KRT12: variants seen among roughly 807,000 people sequenced by gnomAD.
The protein encoded by KRT12 is keratin 12, also known as keratin, type I cytoskeletal 12.
KRT12 carries 43 observed loss-of-function variants against 50.2 expected under a neutral mutation model. The observed-to-expected ratio is 0.86, with a 90% CI of 0.67 to 1.11. The LOEUF is 1.11. Among genes scored for constraint, KRT12 ranks in the 50% least tolerant of loss-of-function variants. The pLI, the probability that KRT12 is intolerant of heterozygous loss-of-function variation, is 0.00. For synonymous variants in KRT12, 257 were observed against 253.6 expected, an observed-to-expected ratio of 1.01 and a Z score of -0.13; for missense variants, 588 against 625.6, an observed-to-expected ratio of 0.94 and a Z score of 0.64.
intron 6 of KRT12, 122 bp from the exon 7 acceptor site, chr17:40,862,757 T>G: frequency 1.3e-6 from 1 of 788,430 alleles, no homozygotes; most frequent in Non-Finnish European, 2.3e-6. Flanking sequence ...TAGTGCAGAC[T>G]CTGATCACTT....
Position 40,864,902 on chromosome 17 carries a change from C to T in KRT12, c.711G>A (p.Arg237=). Residue 237 remains arginine (R), a synonymous_variant, in exon 3 of 8, where the codon CGG becomes CGA. Transcript: ENST00000251643. ...TGGTCAGGGTCAGCTCGTCCAGCAC[C>T]CGGCGCAGGCCATTGATGTCGGCCT... ...GVEADINGLR[R]VLDELTLTRT... is the part of the protein sequence containing the mutation. The T allele has an allele frequency of 6.2e-7, 1 of 1,614,266 alleles. No individual in the cohort carries two copies. The highest frequency in any genetic ancestry group is 8.5e-7 in the Non-Finnish European group (1 of 1,180,046).
chr17:40,866,313 A>T, intron 1 of KRT12, 76 bp from the exon 2 acceptor site: 1 of 1,176,674 alleles, frequency 8.5e-7, no homozygotes, highest in Non-Finnish European at 1.3e-6. Context: ...TTTGACACAA[A>T]GGTGAAAATG....
Position 40,866,201 on chromosome 17 carries a change from A to G in KRT12, c.604T>C (p.Leu202=). 6.2e-7 allele frequency: 1 copy of G among 1,614,184 alleles called. No homozygotes were observed. The highest frequency in any genetic ancestry group is 1.1e-5 in the South Asian group (1 of 91,090). ...SASIGNAQLL[L]QIDNARLAAE... is the part of the protein sequence containing the mutation. ...GCTAGTCTCGCATTGTCAATCTGCA[A>G]GAGGAGCTGGGCATTTCCAATGCTG... Residue 202 remains leucine (L), a synonymous_variant, in exon 2 of 8, where the codon TTG becomes CTG. Transcript: ENST00000251643.
rs756752770 is a variant in KRT12, at chr17:40,861,766, T to C, written c.1388-8A>G. The C allele has an allele frequency of 1.3e-6, 2 of 1,586,396 alleles. No individual in the cohort carries two copies. The highest frequency in any genetic ancestry group is 1.1e-5 in the South Asian group (1 of 90,460). On this transcript the variant is annotated splice_region_variant and splice_polypyrimidine_tract_variant and intron_variant, in intron 7 of 7. Coordinates refer to ENST00000251643, the MANE Select transcript of KRT12 (RefSeq NM_000223.4). The stretch of plus-strand genomic sequence containing the variant: ...TTCGGGTTTTGGTTGGGTCTAAAGA[T>C]AAAAATGGAATAAGGGGGCAAGAGT...
In KRT12 at chr17:40,867,159, G is replaced by T; in HGVS notation, c.28C>A (p.Leu10Ile). 6.2e-7 allele frequency: 1 copy of T among 1,608,646 alleles called. No individual in the cohort carries two copies. Reference protein sequence around the residue: MDLSNNTMSLSVRTPGLSRR... With the variant: MDLSNNTMSISVRTPGLSRR... The stretch of plus-strand genomic sequence containing the variant: ...GACAGTCCGGGGGTGCGCACTGAGA[G>T]TGACATGGTGTTGTTGGAGAGATCC... Residue 10 changes from leucine (L) to isoleucine (I), a missense_variant, in exon 1 of 8, where the codon CTC (leucine) becomes ATC (isoleucine). Transcript: ENST00000251643.
rs1161442837 is a variant in KRT12 at position 40,866,827 on chromosome 17, A to G, written c.360T>C (p.Leu120=). Residue 120 remains leucine (L), a synonymous_variant, in exon 1 of 8, where the codon CTT becomes CTC. Coordinates refer to ENST00000251643, the MANE Select transcript of KRT12 (RefSeq NM_000223.4). The stretch of plus-strand genomic sequence containing the variant: ...TAGTTTCTTTTTCTGATCCAGAAAG[A>G]AGGCCTCCATCATTGCCCGAGAGAA... ...LGILSGNDGG[L]LSGSEKETMQ... is the part of the protein sequence containing the mutation. The G allele has an allele frequency of 1.2e-6, 2 of 1,614,210 alleles. No homozygotes were observed. Among genetic ancestry groups the G allele is most frequent in the Non-Finnish European group, 1.7e-6 (2 of 1,180,034 alleles).
At position 40,861,693 on chromosome 17, in the gene KRT12, A is replaced by G. The variant is rs1273569157; in HGVS notation, c.1453T>C (p.Ser485Pro). ...AGTTCTTCAATTTCCTGAACTTGAG[A>G]TGAGACCACCTCACCATTCACCATC... ...QEMVNGEVVSSQVQEIEELM is the reference protein window; with the variant it reads ...QEMVNGEVVSPQVQEIEELM Residue 485 changes from serine to proline, a missense_variant, in exon 8 of 8, where the codon TCT becomes CCT. Coordinates refer to ENST00000251643, the MANE Select transcript of KRT12 (RefSeq NM_000223.4). 10 of 1,613,176 alleles carry G rather than the reference A, an allele frequency of 6.2e-6. No homozygotes were observed. The highest frequency in any genetic ancestry group is 8.5e-6 in the Non-Finnish European group (10 of 1,179,252).
chr17:40,866,427 A>G (rs1246923000), intron 1 of KRT12, among the ~76,000 whole-genome samples, 190 bp from the exon 2 acceptor site: 1 of 152,242 alleles, frequency 6.6e-6, no homozygotes, highest in East Asian at 1.9e-4. Flanking sequence ...CAGATTTCCT[A>G]CAGAAAGATA....
rs537683583 is a variant in KRT12, at chr17:40,867,113, C to T, written c.74G>A (p.Ser25Asn). The T allele has an allele frequency of 6.2e-7, 1 of 1,613,804 alleles. No individual in the cohort carries two copies. The highest frequency in any genetic ancestry group is 1.7e-5 in the Admixed American group (1 of 60,028). The change falls in exon 1 of 8, where the codon AGT becomes AAT. Residue 25 changes from serine to asparagine, a missense_variant. By Grantham distance (46) the Ser-to-Asn change is conservative. Coordinates refer to ENST00000251643, the MANE Select transcript of KRT12 (RefSeq NM_000223.4). Reference protein sequence around the residue: ...PGLSRRLSSQSVIGRPRGMSA... With the variant: ...PGLSRRLSSQNVIGRPRGMSA... ...CATGCCCCTGGGTCTGCCTATCACACTCTGCGAGGAGAGCCGCCGGGACAG... is the reference window on the plus strand; with the variant it reads ...CATGCCCCTGGGTCTGCCTATCACATTCTGCGAGGAGAGCCGCCGGGACAG...
rs969180007 is a variant in KRT12, at chr17:40,863,803, G to A, written c.869C>T (p.Pro290Leu). The A allele has an allele frequency of 3.1e-6, 5 of 1,612,374 alleles. No individual in the cohort carries two copies. Among genetic ancestry groups the A allele is most frequent in the Non-Finnish European group, 4.2e-6 (5 of 1,179,892 alleles). Residue 290 changes from proline to leucine, a missense_variant, in exon 4 of 8, where the codon CCC (proline) becomes CTC (leucine). Transcript: ENST00000251643. This position sits in a 1 kb window ranked among gnomAD's most constrained non-coding sequence, Gnocchi z 4.2. ...GAGGAGCCTGGTGAGGTCCACTCCG[G>A]GGGCAGCGTCCATTTCTACGCTGAC... The part of the protein sequence containing the change: ...GEVSVEMDAA[P>L]GVDLTRLLND...
chr17:40,863,211 C>G lies in KRT12; in HGVS notation c.1228G>C (p.Val410Leu), dbSNP rs1226298499. 6.2e-6 allele frequency: 10 copies of G among 1,614,082 alleles called. No individual in the cohort carries two copies. Among genetic ancestry groups the G allele is most frequent in the Non-Finnish European group, 7.6e-6 (9 of 1,180,042 alleles). The part of the protein sequence containing the change: ...QVRADAERQN[V>L]DHQRLLNVKA... ...ACATTCAGCAGCCGCTGGTGGTCCA[C>G]GTTCTGGCGCTCTGCGTCCGCGCGC... The change falls in exon 6 of 8, where the codon GTG becomes CTG. Residue 410 changes from valine (V) to leucine (L), a missense_variant. Transcript: ENST00000251643. The surrounding 1 kb of genome is among the most constrained non-coding windows in gnomAD (Gnocchi z 4.2).
chr17:40,866,074 G>A, intron 2 of KRT12, 81 bp downstream of exon 2: 1 of 1,086,450 alleles, frequency 9.2e-7, no homozygotes, highest in Non-Finnish European at 1.4e-6. Context: ...AACTTCAGAA[G>A]ATTTTATATC....
intron 2 of KRT12, among the ~76,000 whole-genome samples, chr17:40,865,566 A>G (rs1365256328): frequency 6.6e-6 from 1 of 152,230 alleles, no homozygotes; most frequent in Non-Finnish European, 1.5e-5. Flanking sequence ...TCAGGAAAAC[A>G]ATGGTTGATA....
rs147584242 is a variant in KRT12 at position 40,866,188 on chromosome 17, T to C, written c.617A>G (p.Asn206Ser). The C allele has an allele frequency of 2.6e-3, 4,182 of 1,614,146 alleles. 16 individuals carry two copies. In the Middle Eastern group the frequency reaches 0.028, roughly 11 times the overall value. The change falls in exon 2 of 8, where the codon AAT becomes AGT. Residue 206 changes from asparagine to serine, a missense_variant. Asn to Ser is a conservative substitution (Grantham distance 46). Transcript: ENST00000251643. ...GNAQLLLQID[N>S]ARLAAEDFRM... ...GAAGTCCTCAGCAGCTAGTCTCGCA[T>C]TGTCAATCTGCAAGAGGAGCTGGGC...
intron 3 of KRT12, 43 bp downstream of exon 3, chr17:40,864,763 G>GAAA: frequency 1.8e-5 from 27 of 1,487,890 alleles, no homozygotes; most frequent in African/African-American, 5.8e-5. Context: ...GGGTCTGGGA[G>GAAA]AAAAAAAAAA....
intron 6 of KRT12, among the ~76,000 whole-genome samples, 200 bp from the exon 7 acceptor site, chr17:40,862,835 AT>A (rs1244309589): frequency 6.6e-6 from 1 of 152,206 alleles, no homozygotes; most frequent in Non-Finnish European, 1.5e-5. Context: ...CAGGTCTTTG[AT>A]ATCAGAAATT....
chr17:40,862,768 T>C (rs1314278019), intron 6 of KRT12, 133 bp from the exon 7 acceptor site: 10 of 753,020 alleles, frequency 1.3e-5, no homozygotes, highest in Non-Finnish European at 2.1e-5. Flanking sequence ...CTGATCACTT[T>C]TGGAAAGCTT....
At position 40,861,731 on chromosome 17, in the gene KRT12, G is replaced by T. The variant is rs766594672; in HGVS notation, c.1415C>A (p.Thr472Lys). ...KDPTKTRKIK[T>K]VVQEMVNGEV... is the part of the protein sequence containing the mutation. ...ACCATTCACCATCTCCTGCACAACT[G>T]TCTTGATTTTTCGGGTTTTGGTTGG... Residue 472 changes from threonine (T) to lysine (K), a missense_variant, in exon 8 of 8, where the codon ACA becomes AAA. Coordinates refer to ENST00000251643, the MANE Select transcript of KRT12 (RefSeq NM_000223.4). 6.2e-7 allele frequency: 1 copy of T among 1,613,746 alleles called. No homozygotes were observed. The highest frequency in any genetic ancestry group is 1.7e-5 in the Admixed American group (1 of 60,020).
In KRT12 at chr17:40,863,481, C is replaced by G. The variant is rs1335509457; in HGVS notation, c.1095+4G>C. On this transcript the variant is annotated splice_donor_region_variant and intron_variant, in intron 5 of 7. Transcript: ENST00000251643. The surrounding 1 kb of genome is among the most constrained non-coding windows in gnomAD (Gnocchi z 4.2). ...ATGCTACGTCTGTTTGCGCACGAGCCTACCATGGCGAGCTGGGACTGTAGC... is the reference window on the plus strand; with the variant it reads ...ATGCTACGTCTGTTTGCGCACGAGCGTACCATGGCGAGCTGGGACTGTAGC... 6.2e-7 allele frequency: 1 copy of G among 1,614,244 alleles called. No homozygotes were observed. Among genetic ancestry groups the G allele is most frequent in the East Asian group, 2.2e-5 (1 of 44,882 alleles).
Sources: allele counts gnomAD v4.1 joint callset (sites outside exome capture counted in the v4.1 genomes callset), GRCh38; gene constraint gnomAD v4.1.1; non-coding constraint Gnocchi (gnomAD v3.1); transcripts MANE v1.5; gene names NCBI Gene and HGNC (gene_info 2026-07-23, HGNC 2026-07-21).